The following RANBP2 variants were observed in gnomAD, a reference collection of about 807,000 sequenced individuals.
RANBP2 encodes RAN binding protein 2.
Under a neutral mutation model 303.6 loss-of-function variants are expected in RANBP2, and 57 were observed. The ratio of observed to expected loss-of-function variants is 0.19; its 90% CI spans 0.15 to 0.23. The LOEUF is 0.23. Among genes scored for constraint, RANBP2 ranks in the 10% least tolerant of loss-of-function variants. The pLI is 1.00. For synonymous variants in RANBP2, 1,167 were observed against 1,301.5 expected (o/e 0.90, Z 2.23); for missense variants, 3,138 against 3,780.8 (o/e 0.83, Z 4.46).
chr2:109,693,167 A>G, the RANBP2 span, among the ~76,000 whole-genome samples: 2 of 149,906 alleles, frequency 1.3e-5, no homozygotes, highest in Non-Finnish European at 3.0e-5. Flanking sequence ...TGGTCTCCAC[A>G]ACCCCTTATT....
At chr2:109,255,583 A>G in the RANBP2 span, among the ~76,000 whole-genome samples, 1 of 152,218 alleles carries the variant, frequency 6.6e-6, no homozygotes, top group Non-Finnish European at 1.5e-5. Context: ...CACCTCTATA[A>G]TTATGAAAAT....
chr2:108,777,316 C>CTTT, intron 25 of RANBP2, 85 bp downstream of exon 25: 1 of 704,100 alleles, frequency 1.4e-6, no homozygotes, highest in Non-Finnish European at 2.1e-6. Flanking sequence ...CAGTATATAA[C>CTTT]TAAGTTAGAA....
chr2:109,331,129 A>G, the RANBP2 span, among the ~76,000 whole-genome samples: 1 of 152,192 alleles, frequency 6.6e-6, no homozygotes, highest in Non-Finnish European at 1.5e-5. Context: ...AGATAAACTC[A>G]AAAGCGGTTT....
At chr2:109,124,820 T>G in the RANBP2 span, among the ~76,000 whole-genome samples, 2 of 152,168 alleles carry the variant, frequency 1.3e-5, no homozygotes, top group Non-Finnish European at 2.9e-5. Context: ...TGACTAAACC[T>G]TCCTCAACCC....
chr2:109,084,185 A>G, the RANBP2 span, among the ~76,000 whole-genome samples: 100 of 152,272 alleles, frequency 6.6e-4, no homozygotes, highest in Non-Finnish European at 1.3e-3. Flanking sequence ...AAAACCTACA[A>G]TTCAAGATCT....
chr2:109,105,330 C>T, the RANBP2 span, among the ~76,000 whole-genome samples: 1 of 152,188 alleles, frequency 6.6e-6, no homozygotes, highest in Non-Finnish European at 1.5e-5. Context: ...TCAGTAAACA[C>T]ATTGCACATA....
At chr2:109,663,643 G>C in the RANBP2 span, among the ~76,000 whole-genome samples, 2 of 152,120 alleles carry the variant, frequency 1.3e-5, no homozygotes, top group African/African-American at 4.8e-5. Flanking sequence ...ATATTAGGAA[G>C]ATAAAATGGA....
the RANBP2 span, among the ~76,000 whole-genome samples, chr2:109,400,464 T>C: frequency 6.6e-6 from 1 of 151,694 alleles, no homozygotes; most frequent in Non-Finnish European, 1.5e-5. Context: ...TGCACACACA[T>C]ACACATGTGC....
chr2:109,316,805 A>T, the RANBP2 span, among the ~76,000 whole-genome samples: 2 of 152,272 alleles, frequency 1.3e-5, no homozygotes, highest in South Asian at 4.2e-4. Flanking sequence ...CTATCTGGTT[A>T]TCCCTCCCTG....
chr2:109,402,958 T>C, the RANBP2 span, among the ~76,000 whole-genome samples: 59 of 152,152 alleles, frequency 3.9e-4, no homozygotes, highest in Admixed American at 1.1e-3. Flanking sequence ...TGCTGGGCAC[T>C]GTGCTGTCCA....
chr2:109,037,880 G>GA, the RANBP2 span, among the ~76,000 whole-genome samples: 2 of 152,208 alleles, frequency 1.3e-5, no homozygotes, highest in Non-Finnish European at 2.9e-5. Context: ...ATTCTCTCCA[G>GA]ATTGATTAAT....
chr2:108,894,710 A>G, the RANBP2 span: 1 of 152,328 alleles, frequency 6.6e-6, no homozygotes, highest in African/African-American at 2.4e-5. Flanking sequence ...TGAATCCCAT[A>G]ACATAGGCTA....
the RANBP2 span, among the ~76,000 whole-genome samples, chr2:109,233,130 T>G: frequency 4.6e-5 from 7 of 152,218 alleles, no homozygotes; most frequent in East Asian, 1.3e-3. Flanking sequence ...CCTTTAGCAG[T>G]TGCTGTCCAT....
chr2:108,929,994 C>T, the RANBP2 span: 33 of 1,182,844 alleles, frequency 2.8e-5, no homozygotes, highest in Admixed American at 1.0e-4. Flanking sequence ...GTCCAGGGAG[C>T]GTGACCGGCT....
At chr2:109,614,979 C>G in the RANBP2 span, 1 of 1,539,550 alleles carries the variant, frequency 6.5e-7, no homozygotes, top group East Asian at 2.4e-5. Flanking sequence ...CGTGCAGCCC[C>G]TACCGCGGAC....
intron 4 of RANBP2, 91 bp from the exon 5 acceptor site, chr2:108,735,441 G>C: frequency 6.3e-7 from 1 of 1,596,108 alleles, no homozygotes; most frequent in Admixed American, 1.7e-5. Context: ...CATAAAACTA[G>C]ACATAGTGGA....
chr2:109,478,638 C>T, the RANBP2 span, among the ~76,000 whole-genome samples: 3 of 152,136 alleles, frequency 2.0e-5, no homozygotes, highest in African/African-American at 4.8e-5. Flanking sequence ...TGTTGGAATG[C>T]GCTTTCATTT....
At chr2:109,636,031 G>A in the RANBP2 span, among the ~76,000 whole-genome samples, 1 of 152,198 alleles carries the variant, frequency 6.6e-6, no homozygotes, top group Non-Finnish European at 1.5e-5. Flanking sequence ...CCCTACAGAA[G>A]AGGCCCCGAG....
intron 18 of RANBP2, among the ~76,000 whole-genome samples, chr2:108,760,901 G>A (rs2557905): frequency 4.6e-5 from 7 of 152,042 alleles, no homozygotes; most frequent in African/African-American, 7.2e-5. Context: ...AATAGCTTCA[G>A]TTTGCCCAAT....
Sources: gnomAD v4.1 joint callset for allele counts (sites outside exome capture counted in the v4.1 genomes callset) on GRCh38, gnomAD v4.1.1 for gene constraint, MANE v1.5 for transcripts, NCBI Gene and HGNC (gene_info 2026-07-23, HGNC 2026-07-21) for gene names.